The following PRKG1 variants were observed in gnomAD, a reference collection of about 807,000 sequenced individuals.
The protein encoded by PRKG1 is cGMP-dependent protein kinase 1.
A neutral mutation model predicts 88.1 loss-of-function variants in PRKG1; 35 were observed. The ratio of observed to expected loss-of-function variants is 0.40; its 90% CI spans 0.30 to 0.53. The LOEUF is 0.53. PRKG1 is among the 20% of genes least tolerant of loss of function. The pLI is 0.59. For synonymous variants in PRKG1, 303 were observed against 292.5 expected, an observed-to-expected ratio of 1.04 and a Z score of -0.37; for missense variants, 540 against 839.8, an observed-to-expected ratio of 0.64 and a Z score of 4.41.
At chr10:51,816,945 G>A (rs1839602510) in intron 4 of PRKG1, among the ~76,000 whole-genome samples, 1 of 152,046 alleles carries the variant, frequency 6.6e-6, no homozygotes, top group African/African-American at 2.4e-5. Context: ...TTGCAGGATG[G>A]ATTTACTTGT....
At chr10:51,937,508 A>G (rs538907466) in intron 5 of PRKG1, among the ~76,000 whole-genome samples, 4 of 152,136 alleles carry the variant, frequency 2.6e-5, no homozygotes, top group African/African-American at 9.6e-5. Context: ...GTTAGTCTGA[A>G]TTCTTTTCGT....
intron 1 of PRKG1, among the ~76,000 whole-genome samples, chr10:50,999,759 AATAC>A: frequency 6.6e-6 from 1 of 152,358 alleles, no homozygotes; most frequent in South Asian, 2.1e-4. Context: ...TAGTGCAGAT[AATAC>A]TAATTTCATG....
chr10:51,290,979 G>A (rs994751547), intron 2 of PRKG1, among the ~76,000 whole-genome samples: 2 of 152,202 alleles, frequency 1.3e-5, no homozygotes, highest in Non-Finnish European at 2.9e-5. Flanking sequence ...ACTACATGTA[G>A]TTAATATTTT....
intron 2 of PRKG1, among the ~76,000 whole-genome samples, chr10:51,439,345 G>T (rs1010462370): frequency 6.6e-6 from 1 of 151,930 alleles, no homozygotes; most frequent in East Asian, 1.9e-4. Context: ...TGAAATAAAA[G>T]ATGTGAACAA....
intron 5 of PRKG1, among the ~76,000 whole-genome samples, chr10:52,041,627 G>T (rs563975848): frequency 1.3e-5 from 2 of 152,220 alleles, no homozygotes; most frequent in South Asian, 4.1e-4. Context: ...ACGGGAGATT[G>T]GTTATCATGA....
At chr10:51,273,443 G>A (rs1156412525) in intron 2 of PRKG1, among the ~76,000 whole-genome samples, 1 of 152,088 alleles carries the variant, frequency 6.6e-6, no homozygotes, top group Admixed American at 6.6e-5. Context: ...AGGATCGCTG[G>A]AGTCCAGGAG....
intron 3 of PRKG1, chr10:51,699,149 C>T: frequency 6.2e-7 from 1 of 1,614,204 alleles, no homozygotes; most frequent in Non-Finnish European, 8.5e-7. Context: ...CGGGGGGAGA[C>T]TGGCTACTGC....
chr10:52,133,727 G>A (rs1837327742), intron 7 of PRKG1, 113 bp from the exon 8 acceptor site: 2 of 827,262 alleles, frequency 2.4e-6, no homozygotes, highest in South Asian at 2.0e-5. Context: ...GCCTGGAGGT[G>A]GATAAATCAG....
chr10:51,292,630 A>G (rs1349864065), intron 2 of PRKG1, among the ~76,000 whole-genome samples: 2 of 152,132 alleles, frequency 1.3e-5, no homozygotes, highest in Non-Finnish European at 2.9e-5. Flanking sequence ...GCTATTTTAT[A>G]ATTATATTGG....
At chr10:50,995,196 T>G (rs933274793) in intron 1 of PRKG1, among the ~76,000 whole-genome samples, 5 of 152,220 alleles carry the variant, frequency 3.3e-5, no homozygotes, top group African/African-American at 1.2e-4. Context: ...ATCTTAAGCA[T>G]GTATCGTAGA....
At chr10:52,046,731 G>A (rs1322767317) in intron 5 of PRKG1, 2 of 152,110 alleles carry the variant, frequency 1.3e-5, no homozygotes, top group Admixed American at 6.6e-5. Flanking sequence ...ATTGTTGACT[G>A]TGTCTTGTGT....
chr10:51,679,623 C>A (rs1246987563), intron 3 of PRKG1, among the ~76,000 whole-genome samples: 3 of 151,638 alleles, frequency 2.0e-5, no homozygotes, highest in South Asian at 4.2e-4. Context: ...TCCTAGTACT[C>A]CTTTATATTC....
chr10:51,982,512 G>A (rs1192277450), intron 5 of PRKG1, among the ~76,000 whole-genome samples: 8 of 152,074 alleles, frequency 5.3e-5, no homozygotes, highest in Non-Finnish European at 1.0e-4. Flanking sequence ...TGATGACCTC[G>A]ACTGTTTGAT....
chr10:52,076,294 C>G (rs139786121), intron 7 of PRKG1, among the ~76,000 whole-genome samples: 1 of 152,230 alleles, frequency 6.6e-6, no homozygotes. Flanking sequence ...CAGTGGCTCA[C>G]GCCCGTAGTC....
chr10:52,074,177 A>C lies in PRKG1; in HGVS notation c.935+11546A>C, dbSNP rs1180745881. ...CTGACCAGTAACTAATGTTAATAAA[A>C]TACATTAGTTTTAAGTAAGTTGGGA... is the stretch of plus-strand genomic sequence containing the variant. On this transcript the variant is annotated intron_variant, in intron 7 of 17. Coordinates refer to ENST00000373980, the MANE Select transcript of PRKG1 (RefSeq NM_006258.4). Among the ~76,000 whole-genome samples the C allele has an allele frequency of 1.3e-5, 2 of 152,216 alleles. 1 individual carries two copies. The highest frequency in any genetic ancestry group is 2.9e-5 in the Non-Finnish European group (2 of 68,038).
chr10:51,753,229 A>C (rs1438309335), intron 3 of PRKG1, among the ~76,000 whole-genome samples: 1 of 152,130 alleles, frequency 6.6e-6, no homozygotes, highest in African/African-American at 2.4e-5. Flanking sequence ...ATTTAGGAAG[A>C]AATCATATAA....
At chr10:51,215,907 A>T (rs1239691865) in intron 2 of PRKG1, among the ~76,000 whole-genome samples, 1 of 152,216 alleles carries the variant, frequency 6.6e-6, no homozygotes, top group East Asian at 1.9e-4. Context: ...TACTTTTTAG[A>T]AGTGTTCATG....
At chr10:51,954,491 C>T (rs1843257187) in intron 5 of PRKG1, among the ~76,000 whole-genome samples, 1 of 152,098 alleles carries the variant, frequency 6.6e-6, no homozygotes, top group Non-Finnish European at 1.5e-5. Flanking sequence ...CTATAAGAAA[C>T]TCTATATTTT....
At chr10:52,116,120 GA>G (rs1221050052) in intron 7 of PRKG1, among the ~76,000 whole-genome samples, 16 of 152,124 alleles carry the variant, frequency 1.1e-4, no homozygotes, top group Non-Finnish European at 1.9e-4. Flanking sequence ...GTGATTGGCT[GA>G]AAGCTCTGCT....
Sources: allele counts gnomAD v4.1 joint callset (sites outside exome capture counted in the v4.1 genomes callset), GRCh38; gene constraint gnomAD v4.1.1; transcripts MANE v1.5; gene names NCBI Gene and HGNC (gene_info 2026-07-23, HGNC 2026-07-21).